The following DDX6 variants were observed in gnomAD, a reference collection of about 807,000 sequenced individuals.
The protein encoded by DDX6 is DEAD-box helicase 6, also known as probable ATP-dependent RNA helicase DDX6.
In DDX6, 7 loss-of-function variants were observed where a neutral mutation model predicts 60.6. The ratio of observed to expected loss-of-function variants is 0.12; its 90% CI spans 0.07 to 0.22. The LOEUF is 0.22. Among genes scored for constraint, DDX6 ranks in the 10% least tolerant of loss-of-function variants. The pLI is 1.00. For missense variants in DDX6, 270 were observed against 589.9 expected (o/e 0.46, Z 5.62); for synonymous variants, 207 against 201.0 (o/e 1.03, Z -0.25).
At chr11:118,786,593 A>T (rs1414933198) in intron 1 of DDX6, 75 bp from the exon 2 acceptor site, 6 of 211,974 alleles carry the variant, frequency 2.8e-5, no homozygotes, top group Non-Finnish European at 5.7e-5. Context: ...GAACCCCTTT[A>T]AAAGAATTCT....
Position 118,786,437 on chromosome 11 carries a change from G to C in DDX6, c.-186C>G, listed in dbSNP as rs1284168930. 9.0e-6 allele frequency: 4 copies of C among 445,550 alleles called. No individual in the cohort carries two copies. Among genetic ancestry groups the C allele is most frequent in the African/African-American group, 4.0e-5 (2 of 49,794 alleles). The allele number at this position is 445,550 out of a possible 1,614,324, so 27.6% of individuals were successfully genotyped here. On this transcript the variant is annotated 5_prime_UTR_variant, in exon 2 of 14. Transcript: ENST00000534980. The stretch of plus-strand genomic sequence containing the variant: ...TCTGAACGGTAAGCAGCAGTAACTT[G>C]CTCTCTTGCACGGAATCAACTTTTT...
Position 118,768,931 on chromosome 11 carries a change from A to G in DDX6, c.370-579T>C, listed in dbSNP as rs1861441599. On this transcript the variant is annotated intron_variant, in intron 4 of 13. Transcript: ENST00000534980. ...AGGCTGAGCCAGGAGGTCAAGGGTG[A>G]AGTGAGCCATGATTGCACCACTGTA... Among the ~76,000 whole-genome samples, 6 of 133,952 alleles carry G rather than the reference A, an allele frequency of 4.5e-5. No individual in the cohort carries two copies. In the South Asian group the frequency reaches 1.5e-3, roughly 34 times the overall value. The allele number at this position is 133,952 out of a possible 152,430, so 87.9% of individuals were successfully genotyped here.
At chr11:118,780,019 G>A (rs1315638194) in intron 3 of DDX6, among the ~76,000 whole-genome samples, 2 of 148,062 alleles carry the variant, frequency 1.4e-5, no homozygotes, top group Non-Finnish European at 1.5e-5. Context: ...GGGAGGCTGA[G>A]GCAGGAGAAT....
chr11:118,757,465 A>T (rs1251739226), intron 9 of DDX6, among the ~76,000 whole-genome samples, 178 bp from the exon 10 acceptor site: 1 of 152,218 alleles, frequency 6.6e-6, no homozygotes. Flanking sequence ...GAAGATAATA[A>T]TATCTAAGAT....
intron 13 of DDX6, among the ~76,000 whole-genome samples, chr11:118,752,794 A>AAAAG (rs1325329585): frequency 1.3e-5 from 2 of 152,126 alleles, no homozygotes; most frequent in Non-Finnish European, 2.9e-5. Flanking sequence ...AATAGTCACC[A>AAAAG]AAAGATGATA....
In DDX6 at chr11:118,768,251, C is replaced by T; in HGVS notation, c.471G>A (p.Arg157=). 6.2e-7 allele frequency: 1 copy of T among 1,613,778 alleles called. No individual in the cohort carries two copies. Among genetic ancestry groups the T allele is most frequent in the African/African-American group, 1.3e-5 (1 of 75,038 alleles). ...GTATATTGTCCTTCTTCAGGTCTAG[C>T]CGTTCAAGTAAGGGAATGAGGTAGG... The part of the protein sequence containing the change: ...SGAYLIPLLE[R]LDLKKDNIQA... Residue 157 remains arginine (R), a synonymous_variant, in exon 5 of 14, where the codon CGG becomes CGA. Transcript: ENST00000534980.
intron 4 of DDX6, among the ~76,000 whole-genome samples, chr11:118,774,129 C>T (rs537632407): frequency 6.1e-4 from 93 of 152,144 alleles, no homozygotes; most frequent in Admixed American, 9.2e-4. Flanking sequence ...CTTAGAGTTT[C>T]GAAAAAGTCT....
At chr11:118,773,094 T>C (rs1174159178) in intron 4 of DDX6, among the ~76,000 whole-genome samples, 2 of 152,206 alleles carry the variant, frequency 1.3e-5, no homozygotes, top group African/African-American at 4.8e-5. Flanking sequence ...TTGCTTAAGT[T>C]AGATCGAGTT....
In DDX6 at chr11:118,749,660, A is replaced by AGATACAGAATTGCATTT. The variant is rs1860686286; in HGVS notation, c.*2428_*2444dup. On this transcript the variant is annotated 3_prime_UTR_variant, in exon 14 of 14. Transcript: ENST00000534980. ...TTAGTCACCCACACGTTCTCTAGCG[A>AGATACAGAATTGCATTT]GATACAGAATTGCATTTATACTCTT... 6.6e-6 allele frequency: 1 copy of AGATACAGAATTGCATTT among 152,666 alleles called. No homozygotes were observed. The highest frequency in any genetic ancestry group is 1.5e-5 in the Non-Finnish European group (1 of 68,038). The allele number at this position is 152,666 out of a possible 1,614,324, so 9.5% of individuals were successfully genotyped here. A position where few individuals can be genotyped will look rare whatever the true frequency, so the allele number is the denominator to read the frequency against.
At position 118,782,348 on chromosome 11, in the gene DDX6, TATAA is replaced by T. The variant is rs782050589; in HGVS notation, c.201-1168_201-1165del. Among the ~76,000 whole-genome samples the T allele has an allele frequency of 1.9e-4, 28 of 151,014 alleles. No homozygotes were observed. In the South Asian group the frequency reaches 3.7e-3, roughly 20 times the overall value. On this transcript the variant is annotated intron_variant, in intron 2 of 13. Transcript: ENST00000534980. ...TGAAAGAGAATAAAAACAAGGAGAA[TATAA>T]ATAAACTCTCTTTTTGGCCAGGTAA...
intron 3 of DDX6, 97 bp downstream of exon 3, chr11:118,781,024 T>C (rs946082436): frequency 5.2e-6 from 4 of 762,648 alleles, no homozygotes; most frequent in South Asian, 3.2e-5. Flanking sequence ...AGTGGTGTTA[T>C]GGTCCTGAAA....
intron 5 of DDX6, 25 bp from the exon 6 acceptor site, chr11:118,765,380 A>G: frequency 6.2e-7 from 1 of 1,612,824 alleles, no homozygotes. Context: ...AGGAATATAT[A>G]AGAAAATATG....
intron 11 of DDX6, among the ~76,000 whole-genome samples, chr11:118,756,009 A>AACCCC (rs1591884651): frequency 1.6e-5 from 1 of 62,260 alleles, no homozygotes. Flanking sequence ...CAAAGATTCC[A>AACCCC]TCCCCCTCCC....
intron 2 of DDX6, among the ~76,000 whole-genome samples, chr11:118,782,735 C>A (rs966340711): frequency 4.6e-5 from 7 of 151,900 alleles, no homozygotes; most frequent in Non-Finnish European, 2.9e-5. Context: ...CCTCCACCTC[C>A]CGGGGTTCAA....
At position 118,748,634 on chromosome 11, in the gene DDX6, G is replaced by T. The variant is rs902162899; in HGVS notation, c.*3471C>A. On this transcript the variant is annotated 3_prime_UTR_variant, in exon 14 of 14. Coordinates refer to ENST00000534980, the MANE Select transcript of DDX6 (RefSeq NM_004397.6). ...TTTTGTTACTCATCTAGAAGGTCAG[G>T]AGTGTGGCTAAAGGCAGTTTCTGAT... The T allele has an allele frequency of 2.0e-5, 3 of 152,028 alleles. No homozygotes were observed. Among genetic ancestry groups the T allele is most frequent in the African/African-American group, 4.8e-5 (2 of 41,372 alleles). 9.4% of individuals were successfully genotyped at this position (152,028 alleles called of 1,614,324 possible). A position where few individuals can be genotyped will look rare whatever the true frequency, so the allele number is the denominator to read the frequency against.
chr11:118,764,843 A>G (rs556718789), intron 6 of DDX6, among the ~76,000 whole-genome samples: 87 of 52,378 alleles, frequency 1.7e-3, no homozygotes, highest in Admixed American at 6.9e-3. Context: ...CACACATTAT[A>G]TATACATTTA....
At chr11:118,786,849 TAA>T (rs1455416621) in intron 1 of DDX6, 1 of 152,324 alleles carries the variant, frequency 6.6e-6, no homozygotes, top group African/African-American at 2.4e-5. Flanking sequence ...CTGACATCTC[TAA>T]AAGTCAGTGA....
chr11:118,762,930 T>G (rs940988146), intron 7 of DDX6, among the ~76,000 whole-genome samples: 12 of 152,180 alleles, frequency 7.9e-5, no homozygotes, highest in African/African-American at 2.7e-4. Context: ...AGAAAGAGAC[T>G]TAGAATAAAT....
intron 10 of DDX6, 107 bp from the exon 11 acceptor site, chr11:118,756,430 G>C (rs868934122): frequency 1.3e-6 from 1 of 797,990 alleles, no homozygotes. Flanking sequence ...CTGTTTATAA[G>C]TGATCCATGA....
Sources: allele counts gnomAD v4.1 joint callset (sites outside exome capture counted in the v4.1 genomes callset), GRCh38; gene constraint gnomAD v4.1.1; transcripts MANE v1.5; gene names NCBI Gene and HGNC (gene_info 2026-07-23, HGNC 2026-07-21).